USP9X: variants seen among roughly 807,000 people sequenced by gnomAD.
USP9X encodes ubiquitin specific peptidase 9 X-linked.
Under a neutral mutation model 190.3 loss-of-function variants are expected in USP9X, and 7 were observed. The ratio of observed to expected loss-of-function variants is 0.04; its 90% CI spans 0.02 to 0.07. The LOEUF (loss-of-function observed/expected upper bound fraction) is 0.07. Ranked by LOEUF, USP9X falls within the 10% of genes least tolerant of loss-of-function variation. The pLI is 1.00. For synonymous variants in USP9X, 645 were observed against 659.5 expected, an observed-to-expected ratio of 0.98 and a Z score of 0.34; for missense variants, 1,010 against 1,916.9, an observed-to-expected ratio of 0.53 and a Z score of 8.83.
In USP9X at chrX:41,188,023, T is replaced by G. The variant is rs1263236303; in HGVS notation, c.3716T>G (p.Ile1239Ser). ...ASRYMPDICV[I>S]RAIQKIIWAS... ...AGATATATGCCTGATATTTGTGTAA[T>G]TAGAGCTATACAAAAAATTATCTGG... Residue 1239 changes from isoleucine (I) to serine (S), a missense_variant, in exon 25 of 45, where the codon ATT becomes AGT. Ile to Ser is a moderately radical substitution (Grantham distance 142, BLOSUM62 -2). Around this residue, in one of 11 missense-constraint regions of USP9X, gnomAD observed 351 missense variants for 480.8 expected, o/e 0.73. Coordinates refer to ENST00000378308, the MANE Select transcript of USP9X (RefSeq NM_001039591.3). 1 of 1,208,639 alleles carries G rather than the reference T, an allele frequency of 8.3e-7. No homozygotes were observed. Among genetic ancestry groups the G allele is most frequent in the East Asian group, 3.0e-5 (1 of 33,823 alleles).
Position 41,086,117 on chromosome X carries a change from G to A in USP9X, c.-159+8G>A, listed in dbSNP as rs1172254571. 1 of 296,672 alleles carries A rather than the reference G, an allele frequency of 3.4e-6. No homozygotes were observed. Among genetic ancestry groups the A allele is most frequent in the Non-Finnish European group, 5.9e-6 (1 of 170,052 alleles). 24.4% of individuals were successfully genotyped at this position (296,672 alleles called of 1,213,427 possible). ...AGACGTCTGTGTCGTGCGGTGAGTG[G>A]CCAGCTGCACTGGGGCGACGCTCTT... On this transcript the variant is annotated splice_region_variant and intron_variant, in intron 1 of 44. Transcript: ENST00000378308.
rs201651879 is a variant in USP9X at position 41,153,065 on chromosome X, G to C, written c.1881G>C (p.Met627Ile). The change falls in exon 14 of 45, where the codon ATG becomes ATC. Residue 627 changes from methionine to isoleucine, a missense_variant. Met to Ile is a conservative substitution (Grantham distance 10). This residue lies in a region of USP9X where 104 missense variants were observed against 239.8 expected (regional missense o/e 0.43). Coordinates refer to ENST00000378308, the MANE Select transcript of USP9X (RefSeq NM_001039591.3). ...AENLATYMES[M>I]RLYARDHEDY... ...ACCTTGCAACTTACATGGAAAGCAT[G>C]AGACTATATGCTAGAGGTATGTATT... The C allele has an allele frequency of 3.1e-5, 37 of 1,206,845 alleles. No homozygotes were observed. Among genetic ancestry groups the C allele is most frequent in the Non-Finnish European group, 4.0e-5 (36 of 893,684 alleles).
rs779203240 is a variant in USP9X, at chrX:41,198,759, T to A, written c.4603+9T>A. Reference sequence around the variant, plus strand: ...TGGCACAGCAATAACTAGTAAGTATTTTTAATAGAATGTGATAATTGATCA... The same window carrying A: ...TGGCACAGCAATAACTAGTAAGTATATTTAATAGAATGTGATAATTGATCA... On this transcript the variant is annotated intron_variant, in intron 30 of 44. Transcript: ENST00000378308. The A allele has an allele frequency of 8.7e-7, 1 of 1,154,732 alleles. No individual in the cohort carries two copies. Among genetic ancestry groups the A allele is most frequent in the East Asian group, 3.0e-5 (1 of 32,924 alleles).
chrX:41,164,189 A>G (rs2062659498), intron 15 of USP9X, among the ~76,000 whole-genome samples: 1 of 111,557 alleles, frequency 9.0e-6, no homozygotes, highest in Non-Finnish European at 1.9e-5. Context: ...TTAATAACAT[A>G]TTCTGGGTAG....
At chrX:41,186,473 T>G in intron 23 of USP9X, 44 bp from the exon 24 acceptor site, 1 of 1,200,851 alleles carries the variant, frequency 8.3e-7, no homozygotes, top group Non-Finnish European at 1.1e-6. Context: ...GGTCTGGTTA[T>G]GTACAAATTA....
chrX:41,085,588 C>A lies in USP9X; in HGVS notation c.-680C>A. The A allele has an allele frequency of 7.3e-6, 2 of 273,409 alleles. No homozygotes were observed. The highest frequency in any genetic ancestry group is 4.4e-4 in the South Asian group (2 of 4,555). The allele number at this position is 273,409 out of a possible 1,213,427, so 22.5% of individuals were successfully genotyped here. On this transcript the variant is annotated 5_prime_UTR_variant, in exon 1 of 45. Coordinates refer to ENST00000378308, the MANE Select transcript of USP9X (RefSeq NM_001039591.3). ...TAGCCCCTCCCCGCCTTACACAGCTCCCGGGCCTCGCGGGAGCCCGCCGCC... is the reference window on the plus strand; with the variant it reads ...TAGCCCCTCCCCGCCTTACACAGCTACCGGGCCTCGCGGGAGCCCGCCGCC...
intron 32 of USP9X, among the ~76,000 whole-genome samples, chrX:41,208,902 G>C (rs2063131991): frequency 9.1e-6 from 1 of 110,266 alleles, no homozygotes; most frequent in African/African-American, 3.3e-5. Flanking sequence ...TAGAGACAGA[G>C]TTTCATTGTG....
intron 21 of USP9X, among the ~76,000 whole-genome samples, chrX:41,183,529 C>T (rs1417166593): frequency 8.9e-6 from 1 of 111,771 alleles, no homozygotes; most frequent in Admixed American, 9.4e-5. Context: ...GGCACTTACC[C>T]TTTTTCGATG....
intron 10 of USP9X, among the ~76,000 whole-genome samples, chrX:41,144,220 ATT>A (rs66463654): frequency 2.2e-5 from 2 of 89,677 alleles, no homozygotes; most frequent in African/African-American, 4.2e-5. Flanking sequence ...TAATGTTAGA[ATT>A]TTTTTTTTTT....
At chrX:41,092,143 C>G (rs967039662) in intron 1 of USP9X, among the ~76,000 whole-genome samples, 3 of 111,440 alleles carry the variant, frequency 2.7e-5, no homozygotes, top group Non-Finnish European at 5.7e-5. Flanking sequence ...GAATTGTTTT[C>G]CTTGGGATGA....
In USP9X at chrX:41,220,989, C is replaced by T. The variant is rs982268434; in HGVS notation, c.6565+1758C>T. ...TTATAATAATAGCTTTTGGGCCAGGCGCGGTGGCTCACGTCTGTAATCCCA... is the reference window on the plus strand; with the variant it reads ...TTATAATAATAGCTTTTGGGCCAGGTGCGGTGGCTCACGTCTGTAATCCCA... On this transcript the variant is annotated intron_variant, in intron 38 of 44. Coordinates refer to ENST00000378308, the MANE Select transcript of USP9X (RefSeq NM_001039591.3). 1.2e-4 allele frequency among the ~76,000 whole-genome samples: 13 copies of T among 105,386 alleles called. No individual in the cohort carries two copies. The South Asian group carries it at 1.7e-3, about 14-fold the overall frequency. 91.5% of individuals were successfully genotyped at this position (105,386 alleles called of 115,157 possible).
intron 31 of USP9X, 64 bp downstream of exon 31, chrX:41,201,344 C>CT: frequency 9.8e-7 from 1 of 1,023,723 alleles, no homozygotes; most frequent in Non-Finnish European, 1.4e-6. Flanking sequence ...ACTATTCTCT[C>CT]TTAAGAGAGT....
chrX:41,153,124 A>G lies in USP9X; in HGVS notation c.1897+43A>G, dbSNP rs181288285. ...AAATAAACTATGGGAAATAGCAGGGACCTTTTTTTGCATTAATTACCTTAG... is the reference window on the plus strand; with the variant it reads ...AAATAAACTATGGGAAATAGCAGGGGCCTTTTTTTGCATTAATTACCTTAG... On this transcript the variant is annotated intron_variant, in intron 14 of 44. Coordinates refer to ENST00000378308, the MANE Select transcript of USP9X (RefSeq NM_001039591.3). 21 of 1,133,899 alleles carry G rather than the reference A, an allele frequency of 1.9e-5. No homozygotes were observed. In the East Asian group the frequency reaches 6.6e-4, roughly 35 times the overall value. 93.4% of individuals were successfully genotyped at this position (1,133,899 alleles called of 1,213,427 possible).
chrX:41,223,318 G>A lies in USP9X; in HGVS notation c.6667G>A (p.Ala2223Thr), dbSNP rs373269985. Residue 2223 changes from alanine to threonine, a missense_variant, in exon 39 of 45, where the codon GCT becomes ACT. Ala to Thr is a moderately conservative substitution (Grantham distance 58). Transcript: ENST00000378308. ...AGGTCCTCCAATCAAATACCAGTATGCTGAATTAGGCAAATTATACTCAGT... is the reference window on the plus strand; with the variant it reads ...AGGTCCTCCAATCAAATACCAGTATACTGAATTAGGCAAATTATACTCAGT... ...GPGPPIKYQY[A>T]ELGKLYSVVS... 8.3e-7 allele frequency: 1 copy of A among 1,210,005 alleles called. No homozygotes were observed. Among genetic ancestry groups the A allele is most frequent in the Non-Finnish European group, 1.1e-6 (1 of 895,071 alleles).
At chrX:41,097,698 A>G (rs940418428) in intron 1 of USP9X, among the ~76,000 whole-genome samples, 1 of 112,350 alleles carries the variant, frequency 8.9e-6, no homozygotes, top group African/African-American at 3.2e-5. Flanking sequence ...ATCTGGCTTA[A>G]TAGAAGACAA....
chrX:41,122,919 TC>T (rs2062203326), intron 1 of USP9X, among the ~76,000 whole-genome samples: 1 of 110,976 alleles, frequency 9.0e-6, no homozygotes, highest in Admixed American at 9.6e-5. Flanking sequence ...TTTAGACACT[TC>T]CTCTCTTCTC....
At chrX:41,120,149 C>T (rs1297156414) in intron 1 of USP9X, among the ~76,000 whole-genome samples, 1 of 111,460 alleles carries the variant, frequency 9.0e-6, no homozygotes, top group Non-Finnish European at 1.9e-5. Context: ...TTTGCATTTT[C>T]GCAATTACTA....
chrX:41,089,013 T>C (rs1309831770), intron 1 of USP9X, among the ~76,000 whole-genome samples: 3 of 112,241 alleles, frequency 2.7e-5, no homozygotes, highest in African/African-American at 9.7e-5. Context: ...CCCCAGAGAC[T>C]GATTAATTGG....
chrX:41,184,079 A>G lies in USP9X; in HGVS notation c.3230A>G (p.Asp1077Gly), dbSNP rs750302142. The change falls in exon 22 of 45, where the codon GAC (aspartate) becomes GGC (glycine). Residue 1077 changes from aspartate (D) to glycine (G), a missense_variant. Physicochemically the swap from Asp to Gly is moderately conservative, Grantham distance 94. Around this residue, in one of 11 missense-constraint regions of USP9X, gnomAD observed 351 missense variants for 480.8 expected, o/e 0.73. Coordinates refer to ENST00000378308, the MANE Select transcript of USP9X (RefSeq NM_001039591.3). ...GAAAGCAGCCTTAGTCCATCTCTTGACTCACTTTTCTTTGGTCCTTCAGCC... is the reference window on the plus strand; with the variant it reads ...GAAAGCAGCCTTAGTCCATCTCTTGGCTCACTTTTCTTTGGTCCTTCAGCC... ...LGESSLSPSLDSLFFGPSASQ... is the reference protein window; with the variant it reads ...LGESSLSPSLGSLFFGPSASQ... The G allele has an allele frequency of 2.1e-5, 26 of 1,209,424 alleles. No individual in the cohort carries two copies. Among genetic ancestry groups the G allele is most frequent in the Non-Finnish European group, 2.9e-5 (26 of 894,546 alleles).
Sources: gnomAD v4.1 joint callset for allele counts (sites outside exome capture counted in the v4.1 genomes callset) on GRCh38, gnomAD v4.1.1 for gene constraint, gnomAD v4.1.1 regional missense constraint, MANE v1.5 for transcripts, NCBI Gene and HGNC (gene_info 2026-07-23, HGNC 2026-07-21) for gene names.